The following SLC39A9 variants were observed in gnomAD, a reference collection of about 807,000 sequenced individuals.
The protein encoded by SLC39A9 is zinc transporter ZIP9.
Under a neutral mutation model 28.4 loss-of-function variants are expected in SLC39A9, and 14 were observed. The ratio of observed to expected loss-of-function variants is 0.49; its 90% CI spans 0.33 to 0.77. The LOEUF (loss-of-function observed/expected upper bound fraction) is 0.77. Ranked by LOEUF, SLC39A9 falls within the 30% of genes least tolerant of loss-of-function variation. SLC39A9 has a pLI of 0.02. For synonymous variants in SLC39A9, 119 were observed against 149.6 expected, an observed-to-expected ratio of 0.80 and a Z score of 1.49; for missense variants, 283 against 381.1, an observed-to-expected ratio of 0.74 and a Z score of 2.14.
chr14:69,423,574 C>T (rs555328548), intron 1 of SLC39A9, among the ~76,000 whole-genome samples: 17 of 152,234 alleles, frequency 1.1e-4, no homozygotes, highest in Non-Finnish European at 2.4e-4. Flanking sequence ...TAGACATTTT[C>T]CCAAATCATT....
intron 1 of SLC39A9, among the ~76,000 whole-genome samples, chr14:69,416,630 T>C (rs1381813173): frequency 6.6e-6 from 1 of 152,156 alleles, no homozygotes; most frequent in African/African-American, 2.4e-5. Context: ...CTCTCCAGCA[T>C]CTGTTGTTTC....
intron 1 of SLC39A9, among the ~76,000 whole-genome samples, chr14:69,401,622 A>G (rs1023979403): frequency 3.3e-5 from 5 of 152,106 alleles, no homozygotes; most frequent in African/African-American, 1.2e-4. Context: ...TTCCTTTTTC[A>G]CTAGAAGGAA....
Position 69,399,475 on chromosome 14 carries a change from T to C in SLC39A9, c.96+10T>C. ...TGTTAATTTCTCAGAGGTAAGAAATTCTCAATTTTCTGTCAGCTGTCAGGA... is the reference window on the plus strand; with the variant it reads ...TGTTAATTTCTCAGAGGTAAGAAATCCTCAATTTTCTGTCAGCTGTCAGGA... On this transcript the variant is annotated intron_variant, in intron 1 of 6. Coordinates refer to ENST00000336643, the MANE Select transcript of SLC39A9 (RefSeq NM_018375.5). 6.2e-7 allele frequency: 1 copy of C among 1,610,652 alleles called. No individual in the cohort carries two copies. The highest frequency in any genetic ancestry group is 8.5e-7 in the Non-Finnish European group (1 of 1,177,222).
chr14:69,452,833 G>C (rs181995286), intron 3 of SLC39A9, among the ~76,000 whole-genome samples: 66 of 152,288 alleles, frequency 4.3e-4, no homozygotes, highest in Non-Finnish European at 8.4e-4. Flanking sequence ...ATGACAATTA[G>C]ATTGGTCTGG....
chr14:69,437,057 CG>C (rs1884798334), intron 2 of SLC39A9, among the ~76,000 whole-genome samples: 1 of 152,072 alleles, frequency 6.6e-6, no homozygotes. Context: ...TTAGTAGAGA[CG>C]GGGTTTCACC....
rs1361153292 is a variant in SLC39A9, at chr14:69,415,574, C to T, written c.97-8520C>T. Among the ~76,000 whole-genome samples the T allele has an allele frequency of 5.3e-5, 8 of 152,166 alleles. No homozygotes were observed. In the East Asian group the frequency reaches 1.5e-3, roughly 29 times the overall value. Reference sequence around the variant, plus strand: ...GCCTCCCAAGCCAGTACCCCAACCACTGGAATACTCTCAGTTTACAAGTAC... The same window carrying T: ...GCCTCCCAAGCCAGTACCCCAACCATTGGAATACTCTCAGTTTACAAGTAC... On this transcript the variant is annotated intron_variant, in intron 1 of 6. Transcript: ENST00000336643.
intron 1 of SLC39A9, among the ~76,000 whole-genome samples, chr14:69,415,700 G>A (rs1027069192): frequency 3.3e-5 from 5 of 152,134 alleles, no homozygotes; most frequent in African/African-American, 4.8e-5. Context: ...TGGTGTTGAC[G>A]TTGCAGCTTT....
At chr14:69,453,123 G>A in intron 3 of SLC39A9, 118 bp from the exon 4 acceptor site, 1 of 780,660 alleles carries the variant, frequency 1.3e-6, no homozygotes, top group South Asian at 1.6e-5. Flanking sequence ...GATCATTGGA[G>A]GTCAGGAGTT....
At chr14:69,416,791 T>C (rs534344678) in intron 1 of SLC39A9, among the ~76,000 whole-genome samples, 6 of 152,386 alleles carry the variant, frequency 3.9e-5, no homozygotes, top group Admixed American at 2.0e-4. Context: ...TGTCTGTTCA[T>C]ATCCTTTGCC....
chr14:69,404,083 G>A (rs12884978), intron 1 of SLC39A9, among the ~76,000 whole-genome samples: 20,712 of 152,042 alleles, frequency 0.14, 1,484 homozygotes, highest in East Asian at 0.18. Flanking sequence ...AGCAAAACTG[G>A]ATGTAGTGGC....
At chr14:69,403,156 C>T (rs1445436369) in intron 1 of SLC39A9, among the ~76,000 whole-genome samples, 1 of 148,890 alleles carries the variant, frequency 6.7e-6, no homozygotes, top group Admixed American at 6.6e-5. Context: ...AAAGGAAGCC[C>T]TGTTTGGTAA....
At chr14:69,443,966 A>G (rs1444507003) in intron 3 of SLC39A9, among the ~76,000 whole-genome samples, 1 of 151,986 alleles carries the variant, frequency 6.6e-6, no homozygotes, top group Non-Finnish European at 1.5e-5. Context: ...GGGAAGGTTC[A>G]CTTGAGACCA....
At chr14:69,417,875 A>G (rs1883662992) in intron 1 of SLC39A9, among the ~76,000 whole-genome samples, 1 of 152,186 alleles carries the variant, frequency 6.6e-6, no homozygotes, top group Admixed American at 6.5e-5. Flanking sequence ...TTGGGCTGAG[A>G]TGATGGGTTT....
chr14:69,420,312 G>A (rs1185885258), intron 1 of SLC39A9, among the ~76,000 whole-genome samples: 1 of 152,200 alleles, frequency 6.6e-6, no homozygotes, highest in Non-Finnish European at 1.5e-5. Flanking sequence ...CTTTGAGAAT[G>A]TTGAATATTG....
At chr14:69,411,929 C>A (rs1385211174) in intron 1 of SLC39A9, among the ~76,000 whole-genome samples, 1 of 151,240 alleles carries the variant, frequency 6.6e-6, no homozygotes, top group African/African-American at 2.4e-5. Context: ...ACTACAGGCA[C>A]ATGCCACCAT....
chr14:69,448,237 C>CA (rs889854438), intron 3 of SLC39A9, among the ~76,000 whole-genome samples: 8 of 123,038 alleles, frequency 6.5e-5, no homozygotes, highest in Admixed American at 2.4e-4. Flanking sequence ...AAAAAAAGCA[C>CA]AAAAAAAAAT....
At chr14:69,454,714 C>A (rs1885778655) in intron 4 of SLC39A9, 98 bp from the exon 5 acceptor site, 2 of 886,024 alleles carry the variant, frequency 2.3e-6, no homozygotes, top group South Asian at 3.2e-5. Context: ...ATTACTAGAT[C>A]CAGCTGGACC....
chr14:69,426,929 C>G (rs77944556), intron 2 of SLC39A9, among the ~76,000 whole-genome samples: 1 of 151,434 alleles, frequency 6.6e-6, no homozygotes, highest in Non-Finnish European at 1.5e-5. Context: ...TACACACATA[C>G]ACACACACAC....
chr14:69,424,311 C>G (rs1884068892), intron 2 of SLC39A9, 109 bp downstream of exon 2: 2 of 775,034 alleles, frequency 2.6e-6, no homozygotes, highest in East Asian at 2.8e-5. Context: ...CCATAGAGTT[C>G]TACCCTGAGA....
Sources: gnomAD v4.1 joint callset for allele counts (sites outside exome capture counted in the v4.1 genomes callset) on GRCh38, gnomAD v4.1.1 for gene constraint, MANE v1.5 for transcripts, NCBI Gene and HGNC (gene_info 2026-07-23, HGNC 2026-07-21) for gene names.